HIVEP1: variants seen among roughly 807,000 people sequenced by gnomAD.
HIVEP1 encodes HIVEP zinc finger 1.
In HIVEP1, 36 loss-of-function variants were observed where a neutral mutation model predicts 180.0. That is an observed-to-expected ratio of 0.20 (90% confidence interval 0.15 to 0.26). The LOEUF is 0.26. Ranked by LOEUF, HIVEP1 falls within the 10% of genes least tolerant of loss-of-function variation. HIVEP1 has a pLI of 1.00. For missense variants in HIVEP1, 3,143 were observed against 3,268.7 expected (o/e 0.96, Z 0.94); for synonymous variants, 1,239 against 1,239.0 (o/e 1.00, Z 0.00).
At chr6:12,180,397 G>A in the HIVEP1 span, among the ~76,000 whole-genome samples, 6 of 152,258 alleles carry the variant, frequency 3.9e-5, no homozygotes, top group East Asian at 1.2e-3. Context: ...ATCTACTGAG[G>A]AGAAAGAGTT....
At chr6:12,145,786 A>G (rs568339654) in intron 7 of HIVEP1, among the ~76,000 whole-genome samples, 1 of 152,290 alleles carries the variant, frequency 6.6e-6, no homozygotes, top group South Asian at 2.1e-4. Flanking sequence ...CAACTAGAAA[A>G]TAAATTATAT....
chr6:12,058,259 C>G lies in HIVEP1; in HGVS notation c.41-30925C>G, dbSNP rs557112462. Reference sequence around the variant, plus strand: ...AAAAGTGTAAAATTTATATATACTGCATTTATAAAGTGCTTAGTGGTAATT... The same window carrying G: ...AAAAGTGTAAAATTTATATATACTGGATTTATAAAGTGCTTAGTGGTAATT... On this transcript the variant is annotated intron_variant, in intron 2 of 8. Coordinates refer to ENST00000379388, the MANE Select transcript of HIVEP1 (RefSeq NM_002114.4). Among the ~76,000 whole-genome samples the G allele has an allele frequency of 3.7e-4, 57 of 152,130 alleles. 1 individual carries two copies. The highest frequency in any genetic ancestry group is 5.6e-4 in the Non-Finnish European group (38 of 68,002).
chr6:12,204,935 C>T, the HIVEP1 span, among the ~76,000 whole-genome samples: 34 of 152,168 alleles, frequency 2.2e-4, no homozygotes, highest in African/African-American at 8.2e-4. Context: ...GAGAGAACTA[C>T]AGCAGGTCCT....
At chr6:12,113,756 T>C (rs1775049250) in intron 3 of HIVEP1, among the ~76,000 whole-genome samples, 1 of 152,136 alleles carries the variant, frequency 6.6e-6, no homozygotes. Flanking sequence ...CCTGCTCACC[T>C]TGTCATGCTG....
At position 12,163,925 on chromosome 6, in the gene HIVEP1, AT is replaced by A; in HGVS notation, c.7623del (p.Pro2542GlnfsTer6). 6.2e-7 allele frequency: 1 copy of A among 1,614,112 alleles called. No individual in the cohort carries two copies. The highest frequency in any genetic ancestry group is 8.5e-7 in the Non-Finnish European group (1 of 1,180,014). ...AAGCAGCCCCGCCCCTCAGGCACAC[AT>A]TCCAGGTCTCCAGATCTTGAACATA... ...SQSSPAPQAH[I>X]PGLQILNIAL... is the part of the protein sequence containing the mutation. On this transcript the variant is annotated frameshift_variant, in exon 9 of 9. Coordinates refer to ENST00000379388, the MANE Select transcript of HIVEP1 (RefSeq NM_002114.4). LOFTEE classifies it low-confidence loss of function (END_TRUNC).
In HIVEP1 at chr6:12,044,817, G is replaced by A. The variant is rs1025236218; in HGVS notation, c.40+29149G>A. ...TCACTGTGCCCCCCTCAAAGCCAGC[G>A]CACCTGTGTACAGCTGAGGGCTTGC... On this transcript the variant is annotated intron_variant, in intron 2 of 8. Transcript: ENST00000379388. Among the ~76,000 whole-genome samples the A allele has an allele frequency of 1.6e-4, 24 of 151,922 alleles. No homozygotes were observed. The South Asian group carries it at 2.1e-3, about 13-fold the overall frequency.
intron 3 of HIVEP1, among the ~76,000 whole-genome samples, chr6:12,117,981 T>A (rs1353835661): frequency 2.0e-5 from 3 of 152,200 alleles, no homozygotes; most frequent in Admixed American, 6.5e-5. Flanking sequence ...TTTCTTACAT[T>A]CATCTTAATA....
intron 7 of HIVEP1, among the ~76,000 whole-genome samples, chr6:12,157,838 GTTT>G (rs1258962413): frequency 6.6e-6 from 1 of 151,998 alleles, no homozygotes; most frequent in Non-Finnish European, 1.5e-5. Flanking sequence ...CTCAGTTTTT[GTTT>G]TTCTAAGAAA....
chr6:12,129,404 T>C (rs918900643), intron 4 of HIVEP1, among the ~76,000 whole-genome samples: 4 of 152,166 alleles, frequency 2.6e-5, no homozygotes, highest in African/African-American at 9.7e-5. Flanking sequence ...GAAATGTACT[T>C]AAATGGTAGT....
At chr6:12,143,078 C>CA (rs574394924) in intron 7 of HIVEP1, among the ~76,000 whole-genome samples, 93 of 151,782 alleles carry the variant, frequency 6.1e-4, no homozygotes, top group Non-Finnish European at 1.1e-3. Context: ...AGAGACATAA[C>CA]AAAAAAAAGA....
intron 3 of HIVEP1, among the ~76,000 whole-genome samples, chr6:12,101,155 C>T (rs1774089075): frequency 6.6e-6 from 1 of 152,188 alleles, no homozygotes; most frequent in South Asian, 2.1e-4. Context: ...TTTGTGCTAA[C>T]CCAGCTATAT....
rs1178853348 is a variant in HIVEP1 at position 12,121,359 on chromosome 6, A to G, written c.1564A>G (p.Met522Val). The G allele has an allele frequency of 6.2e-7, 1 of 1,614,026 alleles. No individual in the cohort carries two copies. The highest frequency in any genetic ancestry group is 8.5e-7 in the Non-Finnish European group (1 of 1,180,024). Residue 522 changes from methionine (M) to valine (V), a missense_variant, in exon 4 of 9, where the codon ATG becomes GTG. Met to Val is a conservative substitution (Grantham distance 21). This residue lies in a region of HIVEP1 where 365 missense variants were observed against 344.4 expected (regional missense o/e 1.06). Coordinates refer to ENST00000379388, the MANE Select transcript of HIVEP1 (RefSeq NM_002114.4). This position sits in a 1 kb window ranked among gnomAD's most constrained non-coding sequence, Gnocchi z 5.3. ...ELQPVHIIKR[M>V]SNAETLLKSS... ...GCAGCCTGTGCACATAATAAAGAGG[A>G]TGTCAAATGCTGAAACTTTACTAAA...
chr6:12,196,189 T>C, the HIVEP1 span, among the ~76,000 whole-genome samples: 1 of 152,240 alleles, frequency 6.6e-6, no homozygotes, highest in African/African-American at 2.4e-5. Flanking sequence ...AATATTCCCA[T>C]GTTTAGCTGA....
At chr6:12,050,879 G>A (rs889541188) in intron 2 of HIVEP1, among the ~76,000 whole-genome samples, 2 of 151,480 alleles carry the variant, frequency 1.3e-5, no homozygotes, top group Non-Finnish European at 2.9e-5. Context: ...TAGAAGTGGT[G>A]GGAAATGGTA....
intron 2 of HIVEP1, among the ~76,000 whole-genome samples, chr6:12,034,339 A>G (rs1301634795): frequency 1.3e-5 from 2 of 152,220 alleles, no homozygotes; most frequent in Admixed American, 6.5e-5. Flanking sequence ...AACCGAATCT[A>G]TGAGTTTTAT....
intron 3 of HIVEP1, among the ~76,000 whole-genome samples, chr6:12,102,950 T>A (rs1774198931): frequency 6.6e-6 from 1 of 152,122 alleles, no homozygotes; most frequent in African/African-American, 2.4e-5. Context: ...TTAAATATTT[T>A]GTATTTTAAT....
At chr6:12,117,411 C>G (rs1427649467) in intron 3 of HIVEP1, among the ~76,000 whole-genome samples, 4 of 152,194 alleles carry the variant, frequency 2.6e-5, no homozygotes, top group African/African-American at 9.6e-5. Flanking sequence ...CAATTCTTAA[C>G]TCCCAGTAGA....
intron 3 of HIVEP1, among the ~76,000 whole-genome samples, chr6:12,089,689 G>T (rs1373697165): frequency 6.6e-6 from 1 of 151,884 alleles, no homozygotes; most frequent in Non-Finnish European, 1.5e-5. Context: ...ATCATTTGTA[G>T]TATACTCATA....
chr6:12,137,361 G>A (rs1280187609), intron 7 of HIVEP1, among the ~76,000 whole-genome samples: 1 of 152,120 alleles, frequency 6.6e-6, no homozygotes, highest in Non-Finnish European at 1.5e-5. Flanking sequence ...TTGCATAGGA[G>A]AATTATAGTT....
Sources: gnomAD v4.1 joint callset for allele counts (sites outside exome capture counted in the v4.1 genomes callset) on GRCh38, gnomAD v4.1.1 for gene constraint, gnomAD v4.1.1 regional missense constraint, Gnocchi (gnomAD v3.1) non-coding constraint, MANE v1.5 for transcripts, NCBI Gene and HGNC (gene_info 2026-07-23, HGNC 2026-07-21) for gene names.